Variants in DSE observed in about 807,000 individuals in gnomAD.
DSE encodes the protein dermatan-sulfate epimerase.
DSE carries 36 observed loss-of-function variants against 84.4 expected under a neutral mutation model. That is an observed-to-expected ratio of 0.43 (90% CI 0.33 to 0.56). The LOEUF (loss-of-function observed/expected upper bound fraction) is 0.56, where lower values mean the gene tolerates loss of function less well. Among genes scored for constraint, DSE ranks in the 20% least tolerant of loss-of-function variants. DSE has a pLI of 0.06. For synonymous variants in DSE, 410 were observed against 430.1 expected, an observed-to-expected ratio of 0.95 and a Z score of 0.58; for missense variants, 862 against 1,169.6, an observed-to-expected ratio of 0.74 and a Z score of 3.84.
intron 1 of DSE, chr6:116,375,397 G>T: frequency 4.3e-6 from 1 of 230,138 alleles, no homozygotes; most frequent in Non-Finnish European, 7.2e-6. Context: ...CTAGCTACTT[G>T]GGAGGCTGAG....
intron 2 of DSE, chr6:116,279,255 T>TACCTCCATCTGCTCCTCC (rs1562198216): frequency 6.2e-6 from 10 of 1,607,984 alleles, no homozygotes; most frequent in Non-Finnish European, 7.6e-6. Flanking sequence ...GCTGCTCCTC[T>TACCTCCATCTGCTCCTCC]ACCTCCATCT....
chr6:116,308,586 A>C (rs1287904910), intron 2 of DSE, among the ~76,000 whole-genome samples: 2 of 152,168 alleles, frequency 1.3e-5, no homozygotes, highest in Non-Finnish European at 2.9e-5. Context: ...TACTAGCTAT[A>C]TTTTTAAAGC....
intron 2 of DSE, among the ~76,000 whole-genome samples, chr6:116,350,854 C>T (rs2114850560): frequency 6.6e-6 from 1 of 151,554 alleles, no homozygotes; most frequent in South Asian, 2.1e-4. Flanking sequence ...TGCCTTTAGA[C>T]ATGACGAACA....
chr6:116,277,886 A>G (rs1773237005), intron 2 of DSE: 1 of 141,222 alleles, frequency 7.1e-6, no homozygotes, highest in Non-Finnish European at 1.5e-5. Context: ...TGGGCGACAG[A>G]GCAAGACTCC....
At chr6:116,335,267 C>A (rs1290201868) in intron 2 of DSE, among the ~76,000 whole-genome samples, 1 of 152,110 alleles carries the variant, frequency 6.6e-6, no homozygotes, top group African/African-American at 2.4e-5. Flanking sequence ...ATCAAACTAA[C>A]ACAGAAAGAG....
intron 2 of DSE, among the ~76,000 whole-genome samples, chr6:116,314,151 T>TG (rs1295427741): frequency 2.0e-5 from 3 of 152,208 alleles, no homozygotes; most frequent in African/African-American, 7.2e-5. Flanking sequence ...TTTGCTTTTC[T>TG]GGTCCATGTG....
At chr6:116,428,397 TTTTA>T (rs35170277) in intron 3 of DSE, among the ~76,000 whole-genome samples, 11 of 152,242 alleles carry the variant, frequency 7.2e-5, no homozygotes, top group East Asian at 1.9e-4. Flanking sequence ...TTAAATAAAT[TTTTA>T]TTTATTTAAG....
Position 116,348,523 on chromosome 6 carries a change from A to T in DSE, c.-53-50675A>T, listed in dbSNP as rs919302291. On this transcript the variant is annotated intron_variant, in intron 2 of 3. Transcript: ENST00000430252. ...GAAATAGGAATACTTTTACACTGTT[A>T]GTGGGACTGTAAAGTAGTTCAACCA... 7.5e-4 allele frequency among the ~76,000 whole-genome samples: 114 copies of T among 152,222 alleles called. 1 individual carries two copies. Among genetic ancestry groups the T allele is most frequent in the African/African-American group, 2.7e-3 (111 of 41,542 alleles).
chr6:116,371,025 G>GCCGGGAGC lies in DSE; in HGVS notation c.-144_-137dup. On this transcript the variant is annotated 5_prime_UTR_variant, in exon 1 of 6. An upstream open reading frame in the 5' UTR loses its in-frame stop. Coordinates refer to ENST00000644252, the MANE Select transcript of DSE (RefSeq NM_013352.4). ...GCGCGGAGGGCTCGGTTCGGAGGGG[G>GCCGGGAGC]CCGGGAGCCCGGGCGCCCTGGAGTG... 1 of 985,778 alleles carries GCCGGGAGC rather than the reference G, an allele frequency of 1.0e-6. No homozygotes were observed. Among genetic ancestry groups the GCCGGGAGC allele is most frequent in the Non-Finnish European group, 1.2e-6 (1 of 830,256 alleles). 61.1% of individuals were successfully genotyped at this position (985,778 alleles called of 1,614,324 possible).
chr6:116,409,794 G>A (rs892552783), intron 2 of DSE, among the ~76,000 whole-genome samples: 1 of 152,172 alleles, frequency 6.6e-6, no homozygotes, highest in African/African-American at 2.4e-5. Context: ...GGAATACTTT[G>A]CCCAACATTG....
At chr6:116,344,058 TAAATG>T (rs1422249261) in intron 2 of DSE, among the ~76,000 whole-genome samples, 3 of 151,972 alleles carry the variant, frequency 2.0e-5, no homozygotes, top group Non-Finnish European at 2.9e-5. Context: ...TCAAATGAAT[TAAATG>T]AAGTGAGAAA....
At chr6:116,344,539 T>C (rs1278711440) in intron 2 of DSE, among the ~76,000 whole-genome samples, 2 of 128,414 alleles carry the variant, frequency 1.6e-5, no homozygotes, top group Admixed American at 8.2e-5. Context: ...AAACTAAGCT[T>C]CATAAGTGAA....
intron 2 of DSE, chr6:116,400,585 T>A (rs796710787): frequency 1.8e-4 from 28 of 152,336 alleles, no homozygotes; most frequent in African/African-American, 6.5e-4. Context: ...TTGCAAGCTT[T>A]CCGATAAATT....
intron 2 of DSE, among the ~76,000 whole-genome samples, chr6:116,357,481 G>T (rs1336437498): frequency 6.6e-6 from 1 of 150,794 alleles, no homozygotes; most frequent in Non-Finnish European, 1.5e-5. Context: ...GCAGTGAGCC[G>T]ACACCGCGCC....
intron 2 of DSE, chr6:116,278,882 T>A (rs1274165400): frequency 6.2e-7 from 1 of 1,614,172 alleles, no homozygotes; most frequent in East Asian, 2.2e-5. Context: ...TTGCAACCGG[T>A]TCTAGGGTGT....
chr6:116,339,065 A>C (rs1365673256), intron 2 of DSE, among the ~76,000 whole-genome samples: 1 of 151,016 alleles, frequency 6.6e-6, no homozygotes, highest in Non-Finnish European at 1.5e-5. Flanking sequence ...TTCAACAGAT[A>C]AATGAGTTGG....
At chr6:116,429,942 A>G (rs1180659631) in intron 3 of DSE, among the ~76,000 whole-genome samples, 1 of 12,240 alleles carries the variant, frequency 8.2e-5, no homozygotes, top group East Asian at 6.4e-4. Context: ...ACAGAGCGAG[A>G]CTCCGTCTCA....
chr6:116,379,286 C>A (rs193041566), intron 1 of DSE, among the ~76,000 whole-genome samples: 167 of 152,172 alleles, frequency 1.1e-3, no homozygotes, highest in Admixed American at 2.0e-3. Context: ...TTAGGCATTT[C>A]GAGTTCTGTT....
chr6:116,256,155 C>T (rs536077342), intron 1 of DSE: 1 of 152,372 alleles, frequency 6.6e-6, no homozygotes, highest in South Asian at 2.1e-4. Context: ...TACTTTACCT[C>T]CTTCCTTAAT....
Sources: allele counts gnomAD v4.1 joint callset (sites outside exome capture counted in the v4.1 genomes callset), GRCh38; gene constraint gnomAD v4.1.1; transcripts MANE v1.5; gene names NCBI Gene and HGNC (gene_info 2026-07-23, HGNC 2026-07-21).